The following GPC6 variants were observed in gnomAD, a reference collection of about 807,000 sequenced individuals.
GPC6 encodes the protein glypican 6, also known as glypican-6.
GPC6 carries 14 observed loss-of-function variants against 55.2 expected under a neutral mutation model. The observed-to-expected ratio is 0.25, with a 90% CI of 0.17 to 0.40. GPC6 has a LOEUF of 0.40. Among genes scored for constraint, GPC6 ranks in the 10% least tolerant of loss-of-function variants. The probability of loss-of-function intolerance (pLI) is 1.00; values close to 1 mark genes in which losing one functional copy is unlikely to be tolerated. For missense variants in GPC6, 641 were observed against 708.5 expected (o/e 0.90, Z 1.08); for synonymous variants, 278 against 259.6 (o/e 1.07, Z -0.68).
At chr13:93,901,367 C>T (rs921975077) in intron 3 of GPC6, among the ~76,000 whole-genome samples, 13 of 150,772 alleles carry the variant, frequency 8.6e-5, no homozygotes, top group Non-Finnish European at 1.9e-4. Context: ...TTCTTATGGC[C>T]ACACCTCACT....
chr13:93,479,187 T>A (rs1879405810), intron 1 of GPC6, among the ~76,000 whole-genome samples: 1 of 152,114 alleles, frequency 6.6e-6, no homozygotes, highest in Non-Finnish European at 1.5e-5. Context: ...ATTCAAAAAA[T>A]GTGAATTTAG....
rs181940612 is a variant in GPC6, at chr13:93,713,667, A to G, written c.320-116487A>G. ...TGAGAATCATTCTGGAATTGATTTA[A>G]AAATAACTTCTAGTTCTATATTTAG... On this transcript the variant is annotated intron_variant, in intron 2 of 8. Coordinates refer to ENST00000377047, the MANE Select transcript of GPC6 (RefSeq NM_005708.5). Among the ~76,000 whole-genome samples, 71 of 151,536 alleles carry G rather than the reference A, an allele frequency of 4.7e-4. No individual in the cohort carries two copies. In the East Asian group the frequency reaches 0.013, roughly 28 times the overall value.
intron 7 of GPC6, among the ~76,000 whole-genome samples, chr13:94,390,930 G>C (rs1402054517): frequency 6.6e-6 from 1 of 152,150 alleles, no homozygotes; most frequent in Non-Finnish European, 1.5e-5. Flanking sequence ...ATAGGAAGAA[G>C]GGAGCATGTT....
chr13:94,229,362 G>A (rs1019264784), intron 4 of GPC6, among the ~76,000 whole-genome samples: 1 of 152,048 alleles, frequency 6.6e-6, no homozygotes, highest in Non-Finnish European at 1.5e-5. Flanking sequence ...GGTTATCAAC[G>A]GCTATTTTAT....
chr13:93,810,844 A>G (rs1886674886), intron 2 of GPC6, among the ~76,000 whole-genome samples: 1 of 152,228 alleles, frequency 6.6e-6, no homozygotes, highest in Admixed American at 6.5e-5. Context: ...ATGTAGATAC[A>G]TATGTATATT....
At chr13:93,657,908 A>G (rs1249001709) in intron 2 of GPC6, among the ~76,000 whole-genome samples, 2 of 152,062 alleles carry the variant, frequency 1.3e-5, no homozygotes, top group Non-Finnish European at 2.9e-5. Context: ...AGGAAATCCC[A>G]TCTTACACTT....
chr13:93,299,947 G>A (rs536700766), intron 1 of GPC6, among the ~76,000 whole-genome samples: 1 of 152,282 alleles, frequency 6.6e-6, no homozygotes, highest in Non-Finnish European at 1.5e-5. Flanking sequence ...TATTAATCAA[G>A]GATAGTATCT....
intron 3 of GPC6, among the ~76,000 whole-genome samples, chr13:93,917,544 A>C (rs1877352541): frequency 6.6e-6 from 1 of 152,220 alleles, no homozygotes; most frequent in Non-Finnish European, 1.5e-5. Context: ...TGCTGAGTTT[A>C]GTGAAGAAAT....
At chr13:93,787,463 G>A (rs1345007874) in intron 2 of GPC6, among the ~76,000 whole-genome samples, 1 of 152,198 alleles carries the variant, frequency 6.6e-6, no homozygotes, top group East Asian at 1.9e-4. Flanking sequence ...TCCATAGTTT[G>A]CTATCCCCTG....
At chr13:93,504,886 C>A (rs1880652183) in intron 1 of GPC6, among the ~76,000 whole-genome samples, 1 of 152,138 alleles carries the variant, frequency 6.6e-6, no homozygotes, top group African/African-American at 2.4e-5. Context: ...GTTCATATTA[C>A]TAGTAAATAT....
chr13:93,759,877 A>ACTCTATG (rs1172784300), intron 2 of GPC6, among the ~76,000 whole-genome samples: 28 of 152,044 alleles, frequency 1.8e-4, no homozygotes, highest in African/African-American at 6.7e-4. Context: ...TGGTTCCAGT[A>ACTCTATG]ATATATGTTG....
At chr13:93,800,147 C>A (rs1398693689) in intron 2 of GPC6, among the ~76,000 whole-genome samples, 6 of 152,132 alleles carry the variant, frequency 3.9e-5, no homozygotes, top group Non-Finnish European at 5.9e-5. Context: ...CTAGAAAGGC[C>A]TCTCTTACTC....
At chr13:93,808,569 A>G (rs1430795541) in intron 2 of GPC6, among the ~76,000 whole-genome samples, 1 of 152,164 alleles carries the variant, frequency 6.6e-6, no homozygotes, top group Non-Finnish European at 1.5e-5. Flanking sequence ...TTAAAGTTTT[A>G]GTTCCTGTCA....
At chr13:93,235,263 GTAAT>G (rs1248434638) in intron 1 of GPC6, among the ~76,000 whole-genome samples, 1 of 152,168 alleles carries the variant, frequency 6.6e-6, no homozygotes. Context: ...CAGTTAGGGA[GTAAT>G]TAAATATGTG....
At chr13:93,280,711 G>C (rs1290231285) in intron 1 of GPC6, among the ~76,000 whole-genome samples, 1 of 152,252 alleles carries the variant, frequency 6.6e-6, no homozygotes, top group East Asian at 1.9e-4. Flanking sequence ...TTTTAAGGCA[G>C]TGGTCCCCAG....
rs191659912 is a variant in GPC6 at position 93,502,327 on chromosome 13, A to G, written c.161-42936A>G. The stretch of plus-strand genomic sequence containing the variant: ...AAGAGAGAGAGAGAGAAATTTCACT[A>G]ATGTAATGAATATGCCCCACATACT... On this transcript the variant is annotated intron_variant, in intron 1 of 8. Transcript: ENST00000377047. Among the ~76,000 whole-genome samples, 90 of 152,152 alleles carry G rather than the reference A, an allele frequency of 5.9e-4. 1 individual carries two copies. The highest frequency in any genetic ancestry group is 2.0e-3 in the African/African-American group (85 of 41,552).
At chr13:93,999,999 G>T (rs1183689048) in intron 3 of GPC6, among the ~76,000 whole-genome samples, 1 of 152,176 alleles carries the variant, frequency 6.6e-6, no homozygotes, top group Admixed American at 6.5e-5. Context: ...GGTTCACAAA[G>T]AATTTGGGAA....
intron 2 of GPC6, among the ~76,000 whole-genome samples, chr13:93,603,725 G>C (rs1878121012): frequency 6.6e-6 from 1 of 152,124 alleles, no homozygotes; most frequent in Non-Finnish European, 1.5e-5. Flanking sequence ...CATGCATACA[G>C]GCAAATTAAA....
chr13:93,471,588 A>C (rs568913742), intron 1 of GPC6, among the ~76,000 whole-genome samples: 1 of 152,276 alleles, frequency 6.6e-6, no homozygotes, highest in South Asian at 2.1e-4. Context: ...CTATATTTTC[A>C]TTGAGTTTAA....
Sources: gnomAD v4.1 joint callset for allele counts (sites outside exome capture counted in the v4.1 genomes callset) on GRCh38, gnomAD v4.1.1 for gene constraint, MANE v1.5 for transcripts, NCBI Gene and HGNC (gene_info 2026-07-23, HGNC 2026-07-21) for gene names.